LILRA6: variants seen among roughly 807,000 people sequenced by gnomAD.
LILRA6 encodes the protein leukocyte immunoglobulin-like receptor subfamily A member 6.
In LILRA6, 16 loss-of-function variants were observed where a neutral mutation model predicts 53.9. That is an observed-to-expected ratio of 0.30 (90% CI 0.20 to 0.45). LILRA6 has a LOEUF of 0.45. LILRA6 is among the 20% of genes least tolerant of loss of function. The probability of loss-of-function intolerance (pLI) is 1.00; values close to 1 mark genes in which losing one functional copy is unlikely to be tolerated. For missense variants in LILRA6, 306 were observed against 618.6 expected (o/e 0.49, Z 5.36); for synonymous variants, 135 against 256.4 (o/e 0.53, Z 4.52).
At chr19:54,237,087 G>C (rs907723362), downstream of LILRA6, 7 of 150,906 alleles carry the variant, frequency 4.6e-5, no homozygotes, top group Middle Eastern at 3.1e-3. Flanking sequence ...AGTTGGCCAG[G>C]CATAGTGGCT....
In LILRA6 at chr19:54,241,820, C is replaced by T. The variant is rs750353331; in HGVS notation, c.414G>A (p.Gly138=). 3 of 1,329,228 alleles carry T rather than the reference C, an allele frequency of 2.3e-6. 1 individual carries two copies. The highest frequency in any genetic ancestry group is 1.5e-5 in the South Asian group (1 of 67,582). The allele number at this position is 1,329,228 out of a possible 1,614,324, so 82.3% of individuals were successfully genotyped here. ...GTGAGCCACATTGGAGGGTCATATT[C>T]CCCCCTGAGGCCACCACAGGGCTGG... Residue 138 remains glycine (G), a synonymous_variant, in exon 4 of 8, where the codon GGG becomes GGA. Transcript: ENST00000396365.
intron 7 of LILRA6, chr19:54,239,291 C>G: frequency 6.9e-7 from 1 of 1,453,046 alleles, no homozygotes; most frequent in South Asian, 1.4e-5. Flanking sequence ...GGGGAGAGCC[C>G]TGAGCCAGCC....
chr19:54,240,238 C>G, intron 6 of LILRA6, 36 bp downstream of exon 6: 1 of 1,598,634 alleles, frequency 6.3e-7, no homozygotes, highest in East Asian at 2.2e-5. Flanking sequence ...TGAGCTGAGC[C>G]TTTGAGCTCA....
chr19:54,241,844 G>A (rs778157193), exon 4 of LILRA6: 1 of 1,303,404 alleles, frequency 7.7e-7, no homozygotes, highest in Non-Finnish European at 1.1e-6. Flanking sequence ...CCACAGGGCT[G>A]GGCAGGGCTG....
Position 54,241,652 on chromosome 19 carries a change from GA to G in LILRA6, c.581del (p.Phe194SerfsTer8). 1 of 1,507,840 alleles carries G rather than the reference GA, an allele frequency of 6.6e-7. No individual in the cohort carries two copies. Among genetic ancestry groups the G allele is most frequent in the Non-Finnish European group, 9.0e-7 (1 of 1,109,908 alleles). The allele number at this position is 1,507,840 out of a possible 1,614,324, so 93.4% of individuals were successfully genotyped here. On this transcript the variant is annotated frameshift_variant, in exon 4 of 8. Transcript: ENST00000396365. LOFTEE classifies it high-confidence loss of function. ...TGTTCATATAATAGTAATAGCATGTGAACCTCCACCTGTGGCTGGGGTTCAC... is the reference window on the plus strand; with the variant it reads ...TGTTCATATAATAGTAATAGCATGTGACCTCCACCTGTGGCTGGGGTTCAC...
In LILRA6 at chr19:54,242,109, T is replaced by G. The variant is rs1412473157; in HGVS notation, c.272A>C (p.His91Pro). Residue 91 changes from histidine (H) to proline (P), a missense_variant, in exon 3 of 8, where the codon CAC (histidine) becomes CCC (proline). By Grantham distance (77) the His-to-Pro change is moderately conservative. Around this residue, in one of 9 missense-constraint regions of LILRA6, gnomAD observed 30 missense variants for 36.4 expected, o/e 0.82. Transcript: ENST00000396365. ...GTGGCAGCGGTATCTCCCCGCATGGTGCTCTGTTATGGATGGGATGGAGAA... is the reference window on the plus strand; with the variant it reads ...GTGGCAGCGGTATCTCCCCGCATGGGGCTCTGTTATGGATGGGATGGAGAA... 1.9e-4 allele frequency: 258 copies of G among 1,391,786 alleles called. 1 individual carries two copies. The highest frequency in any genetic ancestry group is 2.4e-4 in the Non-Finnish European group (252 of 1,029,416). 86.2% of individuals were successfully genotyped at this position (1,391,786 alleles called of 1,614,324 possible).
At chr19:54,239,737 G>T (rs1317687478) in intron 7 of LILRA6, 164 bp downstream of exon 7, 26 of 1,550,148 alleles carry the variant, frequency 1.7e-5, no homozygotes, top group Non-Finnish European at 2.3e-5. Context: ...CTCCTGGCTG[G>T]GCCCCAACAT....
In LILRA6 at chr19:54,241,621, G is replaced by A. The variant is rs1052973; in HGVS notation, c.613C>T (p.Arg205Trp). Residue 205 changes from arginine (R) to tryptophan (W), a missense_variant, in exon 4 of 8, where the codon CGG becomes TGG. Physicochemically the swap from Arg to Trp is moderately radical, Grantham distance 101. This residue lies in a region of LILRA6 where 23 missense variants were observed against 31.3 expected (regional missense o/e 0.73). Transcript: ENST00000396365. ...GGGTCACTGGGGTGGGACCACACCC[G>A]GGGGGTGTTCATATAATAGTAATAG... The A allele has an allele frequency of 1.1e-3, 1,595 of 1,487,506 alleles. 249 individuals are homozygous for A. The highest frequency in any genetic ancestry group is 1.7e-3 in the East Asian group (73 of 43,486). The allele number at this position is 1,487,506 out of a possible 1,614,324, so 92.1% of individuals were successfully genotyped here.
At chr19:54,240,318 T>G (rs1444941388) in exon 6 of LILRA6, 1 of 1,603,006 alleles carries the variant, frequency 6.2e-7, no homozygotes, top group African/African-American at 1.3e-5. Flanking sequence ...AGACAGCAGG[T>G]GGGGGTTGGA....
intron 7 of LILRA6, 183 bp downstream of exon 7, chr19:54,239,718 C>T (rs772045181): frequency 3.7e-5 from 58 of 1,549,656 alleles, no homozygotes; most frequent in Middle Eastern, 1.7e-4. Flanking sequence ...CACATCAGCC[C>T]GGCTCCTCCT....
chr19:54,239,050 C>T (rs751350471), exon 8 of LILRA6: 20 of 1,611,262 alleles, frequency 1.2e-5, no homozygotes, highest in East Asian at 2.2e-5. Flanking sequence ...CATGCCCATG[C>T]GGATGAGATT....
exon 8 of LILRA6, chr19:54,238,834 GTGGCC>G: frequency 6.7e-7 from 1 of 1,496,970 alleles, no homozygotes; most frequent in Admixed American, 2.3e-5. Context: ...TCCACAGTGT[GTGGCC>G]TGAAATCTCA....
rs534726823 is a variant in LILRA6 at position 54,239,003 on chromosome 19, A to G, written c.1396T>C (p.Phe466Leu). 3.1e-6 allele frequency: 5 copies of G among 1,611,394 alleles called. No homozygotes were observed. The Admixed American group carries it at 8.3e-5, about 27-fold the overall frequency. ...TTTCTCTGGCTGTGCTGAGCCTCAAATAACAGAATCCCGAGGAACACCAGG... is the reference window on the plus strand; with the variant it reads ...TTTCTCTGGCTGTGCTGAGCCTCAAGTAACAGAATCCCGAGGAACACCAGG... Residue 466 changes from phenylalanine (F) to leucine (L), a missense_variant, in exon 8 of 8, where the codon TTT becomes CTT. Phe to Leu is a conservative substitution (Grantham distance 22, BLOSUM62 0). Transcript: ENST00000396365.
downstream of LILRA6, chr19:54,238,152 C>G (rs1239414255): frequency 6.6e-6 from 1 of 150,502 alleles, no homozygotes. Flanking sequence ...ATTCTCCTGC[C>G]TCAGCCTCCT....
At position 54,241,911 on chromosome 19, in the gene LILRA6, G is replaced by C. The variant is rs1325104555; in HGVS notation, c.356-33C>G. Reference sequence around the variant, plus strand: ...AGAAAGAGGCACCATGTTAAATGGGGCTCCCACCTCCCACATCATCCCCAG... The same window carrying C: ...AGAAAGAGGCACCATGTTAAATGGGCCTCCCACCTCCCACATCATCCCCAG... On this transcript the variant is annotated intron_variant, in intron 3 of 7. Transcript: ENST00000396365. The C allele has an allele frequency of 1.1e-5, 14 of 1,278,492 alleles. 4 individuals are homozygous for C. The highest frequency in any genetic ancestry group is 1.5e-5 in the African/African-American group (1 of 67,354). The allele number at this position is 1,278,492 out of a possible 1,614,324, so 79.2% of individuals were successfully genotyped here. A position where few individuals can be genotyped will look rare whatever the true frequency, so the allele number is the denominator to read the frequency against.
chr19:54,238,427 C>T (rs71365449), downstream of LILRA6: 7,670 of 152,020 alleles, frequency 0.05, 36 homozygotes, highest in Middle Eastern at 0.075. Context: ...TGGATTTCTA[C>T]GTGAGCCCTA....
At chr19:54,236,829 G>A (rs7256687), downstream of LILRA6, 31,528 of 148,936 alleles carry the variant, frequency 0.21, 2,536 homozygotes, top group African/African-American at 0.34. Flanking sequence ...TCACTCACGC[G>A]GAAGCTACAA....
At chr19:54,238,865 C>G in exon 8 of LILRA6, 1 of 1,558,418 alleles carries the variant, frequency 6.4e-7, no homozygotes, top group Non-Finnish European at 8.7e-7. Context: ...CTCTGGAGGT[C>G]CTAGATTGTC....
At chr19:54,240,856 G>A (rs79245076) in exon 5 of LILRA6, 419 of 1,613,030 alleles carry the variant, frequency 2.6e-4, no homozygotes, top group Admixed American at 5.5e-4. Context: ...TCAGGGGGTC[G>A]CTGGGGGCCG....
Sources: allele counts gnomAD v4.1 joint callset, GRCh38; gene constraint gnomAD v4.1.1; regional missense constraint gnomAD v4.1.1; transcripts MANE v1.5; gene names NCBI Gene and HGNC (gene_info 2026-07-23, HGNC 2026-07-21).